Variants in CDH6 observed in about 807,000 individuals in gnomAD.
The protein encoded by CDH6 is cadherin-6.
CDH6 carries 31 observed loss-of-function variants against 78.0 expected under a neutral mutation model. The ratio of observed to expected loss-of-function variants is 0.40; its 90% CI spans 0.30 to 0.54. The LOEUF (loss-of-function observed/expected upper bound fraction) is 0.54. Ranked by LOEUF, CDH6 falls within the 20% of genes least tolerant of loss-of-function variation. The pLI, the probability that CDH6 is intolerant of heterozygous loss-of-function variation, is 0.56. For missense variants in CDH6, 724 were observed against 975.9 expected, an observed-to-expected ratio of 0.74 and a Z score of 3.44; for synonymous variants, 376 against 368.8, an observed-to-expected ratio of 1.02 and a Z score of -0.23.
intron 2 of CDH6, among the ~76,000 whole-genome samples, chr5:31,272,212 G>A (rs996037489): frequency 2.0e-5 from 3 of 152,184 alleles, no homozygotes; most frequent in African/African-American, 4.8e-5. Flanking sequence ...CCAAAGGTCC[G>A]AAAGCTGGAG....
chr5:31,237,114 G>A (rs1741474335), intron 1 of CDH6, among the ~76,000 whole-genome samples: 1 of 152,152 alleles, frequency 6.6e-6, no homozygotes, highest in Admixed American at 6.5e-5. Context: ...CCGTGTTTCA[G>A]AGAGGACAGC....
intron 1 of CDH6, among the ~76,000 whole-genome samples, chr5:31,214,831 AAGC>A (rs1385708187): frequency 6.6e-6 from 1 of 152,182 alleles, no homozygotes; most frequent in Non-Finnish European, 1.5e-5. Context: ...TCGATGTAAA[AAGC>A]TTCACAATTC....
Position 31,294,442 on chromosome 5 carries a change from T to A in CDH6, c.523+186T>A, listed in dbSNP as rs1276530062. 6.6e-6 allele frequency among the ~76,000 whole-genome samples: 1 copy of A among 152,192 alleles called. No individual in the cohort carries two copies. Among genetic ancestry groups the A allele is most frequent in the Non-Finnish European group, 1.5e-5 (1 of 68,024 alleles). Reference sequence around the variant, plus strand: ...CTCTAGTCTCATTTTGTGATTATTTTAAAAACCACATTTCCTCTAAAGAGG... The same window carrying A: ...CTCTAGTCTCATTTTGTGATTATTTAAAAAACCACATTTCCTCTAAAGAGG... On this transcript the variant is annotated intron_variant, in intron 3 of 11. Transcript: ENST00000265071. This position sits in a 1 kb window ranked among gnomAD's most constrained non-coding sequence, Gnocchi z 4.1.
intron 2 of CDH6, among the ~76,000 whole-genome samples, chr5:31,285,136 G>A (rs1333050766): frequency 6.6e-6 from 1 of 152,210 alleles, no homozygotes; most frequent in African/African-American, 2.4e-5. Flanking sequence ...GCACATTTGA[G>A]TGCAGTGTGA....
chr5:31,258,966 G>C (rs17475603), intron 1 of CDH6, among the ~76,000 whole-genome samples: 38,164 of 152,048 alleles, frequency 0.25, 6,007 homozygotes, highest in Non-Finnish European at 0.35. Flanking sequence ...CATACTCACT[G>C]CATGACCGTG....
chr5:31,304,683 C>CAAAA (rs11398035), intron 6 of CDH6, among the ~76,000 whole-genome samples: 8 of 67,836 alleles, frequency 1.2e-4, no homozygotes, highest in East Asian at 4.7e-4. Context: ...GACTCCGTCT[C>CAAAA]AAAAAAAAAA....
At chr5:31,279,417 A>G (rs1306447713) in intron 2 of CDH6, among the ~76,000 whole-genome samples, 1 of 151,944 alleles carries the variant, frequency 6.6e-6, no homozygotes, top group Non-Finnish European at 1.5e-5. Flanking sequence ...AAAAAGAAAA[A>G]AATTACAAAA....
At chr5:31,292,307 C>T (rs1427690386) in intron 2 of CDH6, among the ~76,000 whole-genome samples, 1 of 152,168 alleles carries the variant, frequency 6.6e-6, no homozygotes, top group African/African-American at 2.4e-5. Flanking sequence ...TTTCAAACTG[C>T]AGACACTCAG....
intron 1 of CDH6, among the ~76,000 whole-genome samples, chr5:31,214,181 C>A (rs573205638): frequency 6.2e-4 from 92 of 148,300 alleles, no homozygotes; most frequent in African/African-American, 2.1e-3. Context: ...TGGGAAAAAA[C>A]CAGACACACT....
At chr5:31,282,903 T>C (rs1742899750) in intron 2 of CDH6, among the ~76,000 whole-genome samples, 1 of 152,168 alleles carries the variant, frequency 6.6e-6, no homozygotes, top group Non-Finnish European at 1.5e-5. Flanking sequence ...TTGAGTAGGG[T>C]TATACTGAAT....
intron 3 of CDH6, 50 bp from the exon 4 acceptor site, chr5:31,297,239 A>G (rs1377401194): frequency 6.5e-7 from 1 of 1,548,698 alleles, no homozygotes; most frequent in African/African-American, 1.4e-5. Flanking sequence ...TGTGTCAAAG[A>G]TTGATATGAA....
chr5:31,258,483 G>A (rs1395340036), intron 1 of CDH6, among the ~76,000 whole-genome samples: 1 of 152,152 alleles, frequency 6.6e-6, no homozygotes, highest in East Asian at 1.9e-4. Flanking sequence ...ACCGGGGCCT[G>A]TTTGTGGGTG....
chr5:31,257,588 T>C (rs1238810154), intron 1 of CDH6, among the ~76,000 whole-genome samples: 1 of 152,226 alleles, frequency 6.6e-6, no homozygotes, highest in Non-Finnish European at 1.5e-5. Flanking sequence ...GGTGTTACTA[T>C]GTGCCAGGCA....
At chr5:31,302,951 GAAA>G (rs1561066530) in intron 6 of CDH6, among the ~76,000 whole-genome samples, 1 of 130,258 alleles carries the variant, frequency 7.7e-6, no homozygotes, top group African/African-American at 2.7e-5. Context: ...AAGAAAGAAA[GAAA>G]GAAGGAAAGA....
chr5:31,248,709 C>A (rs1175379150), intron 1 of CDH6, among the ~76,000 whole-genome samples: 1 of 151,996 alleles, frequency 6.6e-6, no homozygotes, highest in Non-Finnish European at 1.5e-5. Context: ...TTCCTGAATC[C>A]TCTCACAAGC....
intron 1 of CDH6, among the ~76,000 whole-genome samples, chr5:31,247,229 T>C (rs556204582): frequency 6.6e-6 from 1 of 152,316 alleles, no homozygotes; most frequent in South Asian, 2.1e-4. Context: ...TAAAAATAGC[T>C]AGTAGGTATC....
intron 1 of CDH6, among the ~76,000 whole-genome samples, chr5:31,213,598 T>G (rs906524387): frequency 6.6e-6 from 1 of 152,234 alleles, no homozygotes; most frequent in African/African-American, 2.4e-5. Context: ...TAACAGCCTC[T>G]AAAAGTCCTT....
chr5:31,238,768 C>T (rs1741520175), intron 1 of CDH6, among the ~76,000 whole-genome samples: 1 of 152,168 alleles, frequency 6.6e-6, no homozygotes, highest in South Asian at 2.1e-4. Context: ...ACACGTGTAG[C>T]TAATAGCTAC....
At chr5:31,263,629 C>A (rs1315915093) in intron 1 of CDH6, among the ~76,000 whole-genome samples, 1 of 151,782 alleles carries the variant, frequency 6.6e-6, no homozygotes, top group East Asian at 1.9e-4. Flanking sequence ...TCATGATAAC[C>A]CATTAATCCA....
Sources: gnomAD v4.1 joint callset for allele counts (sites outside exome capture counted in the v4.1 genomes callset) on GRCh38, gnomAD v4.1.1 for gene constraint, Gnocchi (gnomAD v3.1) non-coding constraint, MANE v1.5 for transcripts, NCBI Gene and HGNC (gene_info 2026-07-23, HGNC 2026-07-21) for gene names.